Variants in SEL1L2 observed in about 807,000 individuals in gnomAD.
SEL1L2 encodes SEL1L2 adaptor subunit of SYVN1 ubiquitin ligase.
Under a neutral mutation model 98.8 loss-of-function variants are expected in SEL1L2, and 89 were observed. The ratio of observed to expected loss-of-function variants is 0.90; its 90% CI spans 0.76 to 1.07. SEL1L2 has a LOEUF of 1.07. Ranked by LOEUF, SEL1L2 falls within the 50% of genes least tolerant of loss-of-function variation. SEL1L2 has a pLI of 0.00. For synonymous variants in SEL1L2, 262 were observed against 278.5 expected (o/e 0.94, Z 0.59); for missense variants, 788 against 812.0 (o/e 0.97, Z 0.36).
chr20:13,920,572 C>T (rs1437921618), intron 3 of SEL1L2, among the ~76,000 whole-genome samples: 1 of 127,768 alleles, frequency 7.8e-6, no homozygotes, highest in Admixed American at 8.1e-5. Flanking sequence ...CTCTCTCTCA[C>T]ACACACTCTC....
In SEL1L2 at chr20:13,955,477, A is replaced by C. The variant is rs80123569; in HGVS notation, c.114+599T>G. ...ACAGCATGGAGTCCAGTGTATATGC[A>C]ATAACATCAAGAAGACAGTAGTAGG... On this transcript the variant is annotated intron_variant, in intron 2 of 19. Coordinates refer to ENST00000284951, the MANE Select transcript of SEL1L2 (RefSeq NM_025229.2). 8.1e-3 allele frequency among the ~76,000 whole-genome samples: 1,232 copies of C among 152,246 alleles called. 21 individuals are homozygous for C. The highest frequency in any genetic ancestry group is 0.028 in the African/African-American group (1,182 of 41,528).
At chr20:13,929,528 C>A (rs982108537) in intron 3 of SEL1L2, among the ~76,000 whole-genome samples, 28 of 123,874 alleles carry the variant, frequency 2.3e-4, no homozygotes, top group Non-Finnish European at 3.2e-5. Flanking sequence ...CGGAGTCTCG[C>A]TCTGTCGCCC....
chr20:13,957,704 C>A (rs912635358), intron 1 of SEL1L2, among the ~76,000 whole-genome samples: 18 of 151,986 alleles, frequency 1.2e-4, no homozygotes, highest in Non-Finnish European at 2.5e-4. Context: ...ATAGTGAGAC[C>A]CTGTCTCTAC....
At chr20:13,896,341 G>T (rs1029264555) in intron 5 of SEL1L2, among the ~76,000 whole-genome samples, 2 of 152,010 alleles carry the variant, frequency 1.3e-5, no homozygotes, top group African/African-American at 4.8e-5. Flanking sequence ...ACGGTGGGGG[G>T]CGCCTGTAGT....
At chr20:13,888,739 A>C (rs2047071382) in intron 5 of SEL1L2, among the ~76,000 whole-genome samples, 1 of 139,812 alleles carries the variant, frequency 7.2e-6, no homozygotes, top group Non-Finnish European at 1.5e-5. Context: ...CCAGGGTTCA[A>C]GTGATTCTCC....
chr20:13,865,429 G>T lies in SEL1L2; in HGVS notation c.1490C>A (p.Ser497Tyr), dbSNP rs767205426. 6 of 1,614,060 alleles carry T rather than the reference G, an allele frequency of 3.7e-6. No homozygotes were observed. Among genetic ancestry groups the T allele is most frequent in the Non-Finnish European group, 5.1e-6 (6 of 1,179,950 alleles). ...AAGCAGTGCATACTGAACAAGAGAA[G>T]AATCTATATCACCATCCTTATAGGC... is the stretch of plus-strand genomic sequence containing the variant. Reference protein sequence around the residue: ...YFAYKDGDIDSSLVQYALLAE... With the variant: ...YFAYKDGDIDYSLVQYALLAE... Residue 497 changes from serine (S) to tyrosine (Y), a missense_variant, in exon 16 of 20, where the codon TCT becomes TAT. Transcript: ENST00000284951.
chr20:13,969,479 T>C (rs919543329), intron 1 of SEL1L2, among the ~76,000 whole-genome samples: 2 of 152,218 alleles, frequency 1.3e-5, no homozygotes, highest in Non-Finnish European at 2.9e-5. Context: ...AATGAGATCA[T>C]GGATGTGAAA....
intron 4 of SEL1L2, among the ~76,000 whole-genome samples, chr20:13,914,417 T>A (rs1392108228): frequency 1.3e-5 from 2 of 152,216 alleles, no homozygotes; most frequent in Non-Finnish European, 2.9e-5. Context: ...AGAATGATGA[T>A]CCCTTCATAT....
chr20:13,854,974 C>T (rs942130622), intron 18 of SEL1L2, among the ~76,000 whole-genome samples: 1 of 150,290 alleles, frequency 6.7e-6, no homozygotes, highest in South Asian at 2.1e-4. Flanking sequence ...TTGCTTGAAC[C>T]TGGGAGGCAG....
At chr20:13,856,912 G>A (rs932010501) in intron 18 of SEL1L2, among the ~76,000 whole-genome samples, 2 of 152,138 alleles carry the variant, frequency 1.3e-5, no homozygotes, top group African/African-American at 4.8e-5. Flanking sequence ...TTGAAGAAAT[G>A]CTTAATTACT....
intron 17 of SEL1L2, among the ~76,000 whole-genome samples, chr20:13,861,826 T>G (rs1441647486): frequency 1.3e-5 from 2 of 152,170 alleles, no homozygotes; most frequent in East Asian, 3.9e-4. Context: ...GCCCTCTACC[T>G]GGCAGGTTTG....
At chr20:13,947,682 G>C (rs182432344) in intron 2 of SEL1L2, among the ~76,000 whole-genome samples, 19 of 152,308 alleles carry the variant, frequency 1.2e-4, no homozygotes, top group African/African-American at 4.6e-4. Flanking sequence ...CAGACCTAGG[G>C]ACTCCCTGAG....
intron 17 of SEL1L2, among the ~76,000 whole-genome samples, chr20:13,859,713 G>C (rs1376606473): frequency 6.6e-6 from 1 of 152,102 alleles, no homozygotes; most frequent in Non-Finnish European, 1.5e-5. Context: ...TTGTTTGTTT[G>C]TTTTGAGACA....
chr20:13,865,566 C>T lies in SEL1L2; in HGVS notation c.1405-52G>A, dbSNP rs554848153. The T allele has an allele frequency of 6.6e-5, 98 of 1,483,904 alleles. No individual in the cohort carries two copies. The African/African-American group carries it at 8.3e-4, about 13-fold the overall frequency. 91.9% of individuals were successfully genotyped at this position (1,483,904 alleles called of 1,614,324 possible). A position where few individuals can be genotyped will look rare whatever the true frequency, so the allele number is the denominator to read the frequency against. The stretch of plus-strand genomic sequence containing the variant: ...GACTAGTTAGCCAGTATGCTTCACC[C>T]CAGGCAAATGAGAAAGGAAATCAGT... On this transcript the variant is annotated intron_variant, in intron 15 of 19. Coordinates refer to ENST00000284951, the MANE Select transcript of SEL1L2 (RefSeq NM_025229.2).
rs1309188941 is a variant in SEL1L2, at chr20:13,865,229, A to T, written c.1583T>A (p.Ile528Asn). ...AFILESKKAN[I>N]LEKEKMYPMA... ...TGGATACATCTTCTCTTTTTCAAGA[A>T]TGTTAGCCTTTTCTAAAAAGAGGAG... is the stretch of plus-strand genomic sequence containing the variant. The change falls in exon 17 of 20, where the codon ATT becomes AAT. Residue 528 changes from isoleucine (I) to asparagine (N), a missense_variant. Physicochemically the swap from Ile to Asn is moderately radical, Grantham distance 149. Coordinates refer to ENST00000284951, the MANE Select transcript of SEL1L2 (RefSeq NM_025229.2). 1.2e-6 allele frequency: 2 copies of T among 1,613,642 alleles called. No individual in the cohort carries two copies. Among genetic ancestry groups the T allele is most frequent in the East Asian group, 2.2e-5 (1 of 44,864 alleles).
intron 3 of SEL1L2, among the ~76,000 whole-genome samples, chr20:13,922,547 A>C (rs1220181735): frequency 1.3e-5 from 2 of 152,198 alleles, no homozygotes; most frequent in Non-Finnish European, 2.9e-5. Context: ...GTTTATATTA[A>C]GCACAATTGA....
chr20:13,980,399 G>T (rs1411819207), intron 1 of SEL1L2, among the ~76,000 whole-genome samples: 2 of 152,102 alleles, frequency 1.3e-5, no homozygotes, highest in Non-Finnish European at 2.9e-5. Flanking sequence ...GTAGAGATAG[G>T]GTTTCACCAT....
chr20:13,862,816 T>C (rs970227819), intron 17 of SEL1L2, among the ~76,000 whole-genome samples: 1 of 151,950 alleles, frequency 6.6e-6, no homozygotes, highest in African/African-American at 2.4e-5. Flanking sequence ...GCCCCTTGAG[T>C]AGCTAGAACT....
At chr20:13,911,394 T>C (rs2048200013) in intron 5 of SEL1L2, among the ~76,000 whole-genome samples, 1 of 152,208 alleles carries the variant, frequency 6.6e-6, no homozygotes, top group African/African-American at 2.4e-5. Context: ...TTTTTAGTGG[T>C]GGGAGTGGAG....
Sources: allele counts gnomAD v4.1 joint callset (sites outside exome capture counted in the v4.1 genomes callset), GRCh38; gene constraint gnomAD v4.1.1; transcripts MANE v1.5; gene names NCBI Gene and HGNC (gene_info 2026-07-23, HGNC 2026-07-21).